Variants in SAMMSON observed in about 807,000 individuals in gnomAD.
SAMMSON encodes long intergenic non-protein coding RNA 1212.
intron 4 of SAMMSON, chr3:70,125,456 C>T: frequency 1.2e-6 from 1 of 825,188 alleles, no homozygotes; most frequent in Non-Finnish European, 2.0e-6. Flanking sequence ...TCTAGAAATA[C>T]ATTCCGATGG....
chr3:70,258,798 T>C (rs2106659375), intron 6 of SAMMSON, among the ~76,000 whole-genome samples: 1 of 152,234 alleles, frequency 6.6e-6, no homozygotes, highest in Middle Eastern at 3.4e-3. Context: ...ATTTAGCCAA[T>C]AAAATATAAC....
At chr3:70,065,061 AGAAGACTC>A (rs1489801220) in intron 3 of SAMMSON, among the ~76,000 whole-genome samples, 3 of 152,150 alleles carry the variant, frequency 2.0e-5, no homozygotes, top group Non-Finnish European at 4.4e-5. Flanking sequence ...AATTTAAAGA[AGAAGACTC>A]AAAGTTGGTG....
intron 4 of SAMMSON, chr3:70,071,683 A>G (rs913326000): frequency 2.6e-5 from 4 of 151,904 alleles, no homozygotes; most frequent in African/African-American, 9.7e-5. Flanking sequence ...ATCCATTGTT[A>G]TTTTGTCTTT....
chr3:70,414,271 AC>A (rs1701244836), intron 2 of SAMMSON, among the ~76,000 whole-genome samples: 1 of 152,096 alleles, frequency 6.6e-6, no homozygotes, highest in African/African-American at 2.4e-5. Context: ...TTGAGAAACA[AC>A]CTCTGGCCCA....
chr3:70,269,548 C>T (rs966508649), intron 6 of SAMMSON, among the ~76,000 whole-genome samples: 13 of 152,082 alleles, frequency 8.5e-5, no homozygotes, highest in Non-Finnish European at 5.9e-5. Flanking sequence ...TTTTTGACCA[C>T]GTAGCAGGGT....
chr3:70,264,007 A>C (rs1299253305), intron 6 of SAMMSON, among the ~76,000 whole-genome samples: 6 of 152,208 alleles, frequency 3.9e-5, no homozygotes, highest in Non-Finnish European at 8.8e-5. Flanking sequence ...CATGACTGGA[A>C]GCAGTTAACT....
At chr3:70,213,145 G>GT (rs546356352) in intron 4 of SAMMSON, among the ~76,000 whole-genome samples, 48 of 151,874 alleles carry the variant, frequency 3.2e-4, no homozygotes, top group African/African-American at 1.1e-3. Context: ...TCTTTATTTT[G>GT]TTTTTCTTTA....
intron 3 of SAMMSON, among the ~76,000 whole-genome samples, chr3:70,031,666 GC>G (rs897022543): frequency 4.1e-4 from 63 of 151,926 alleles, no homozygotes; most frequent in African/African-American, 1.5e-3. Flanking sequence ...TTAACAGATG[GC>G]AAACATTTTT....
intron 3 of SAMMSON, among the ~76,000 whole-genome samples, chr3:70,015,560 GTCTT>G (rs1344968303): frequency 6.6e-6 from 1 of 152,050 alleles, no homozygotes; most frequent in African/African-American, 2.4e-5. Context: ...TACTTGAGGT[GTCTT>G]TCTTTCTTTG....
intron 4 of SAMMSON, among the ~76,000 whole-genome samples, chr3:70,087,553 C>G (rs574250289): frequency 6.6e-6 from 1 of 152,220 alleles, no homozygotes; most frequent in South Asian, 2.1e-4. Context: ...CCTCTGAGAT[C>G]CAAGTGGTAT....
downstream of SAMMSON, among the ~76,000 whole-genome samples, chr3:70,390,470 G>A (rs1701035325): frequency 6.6e-6 from 1 of 152,114 alleles, no homozygotes; most frequent in African/African-American, 2.4e-5. Flanking sequence ...AGCAGCATCT[G>A]GTTTTGGGGA....
rs114201121 is a variant in SAMMSON at position 70,229,626 on chromosome 3, T to C, written n.508-19481T>C. Among the ~76,000 whole-genome samples, 1,068 of 152,310 alleles carry C rather than the reference T, an allele frequency of 7.0e-3. 9 individuals carry two copies. Among genetic ancestry groups the C allele is most frequent in the African/African-American group, 0.023 (963 of 41,554 alleles). ...ATATATCACATGATTCTTCACGTTT[T>C]ATTCTCTACTTATTGGCCAGCTGAA... On this transcript the variant is annotated intron_variant and non_coding_transcript_variant, in intron 4 of 9. Transcript: ENST00000642114.
intron 7 of SAMMSON, among the ~76,000 whole-genome samples, chr3:70,340,165 T>G (rs997676885): frequency 3.4e-5 from 5 of 149,162 alleles, no homozygotes; most frequent in Non-Finnish European, 5.9e-5. Flanking sequence ...CACTGCATAT[T>G]CTCACTCATA....
Position 70,003,939 on chromosome 3 carries a change from C to CATAAAAAA in SAMMSON, n.22+4075_22+4076insAAAAAATA, listed in dbSNP as rs2066915942. On this transcript the variant is annotated intron_variant and non_coding_transcript_variant, in intron 1 of 9. Transcript: ENST00000642114. The stretch of plus-strand genomic sequence containing the variant: ...AATGGTATTATACTGCTTTAATTTG[C>CATAAAAAA]ATATATTTTATATATTTACTATCTT... 5.3e-5 allele frequency among the ~76,000 whole-genome samples: 8 copies of CATAAAAAA among 152,044 alleles called. No individual in the cohort carries two copies. In the East Asian group the frequency reaches 1.5e-3, roughly 29 times the overall value.
chr3:70,430,312 G>A (rs1323377781), intron 2 of SAMMSON, among the ~76,000 whole-genome samples: 1 of 152,176 alleles, frequency 6.6e-6, no homozygotes, highest in Non-Finnish European at 1.5e-5. Flanking sequence ...TACCAGGGAT[G>A]AAGCTGGCTT....
At chr3:70,386,427 G>A (rs1347289195) in intron 9 of SAMMSON, among the ~76,000 whole-genome samples, 1 of 152,036 alleles carries the variant, frequency 6.6e-6, no homozygotes, top group East Asian at 1.9e-4. Context: ...TAGTTTTTAA[G>A]TATGTAAAAT....
At chr3:70,198,760 C>T (rs1701206061) in intron 4 of SAMMSON, among the ~76,000 whole-genome samples, 1 of 152,164 alleles carries the variant, frequency 6.6e-6, no homozygotes, top group Non-Finnish European at 1.5e-5. Context: ...AATACCTCTA[C>T]TGTGTACAAA....
chr3:70,384,524 C>T (rs1206762931), intron 9 of SAMMSON, among the ~76,000 whole-genome samples: 8 of 151,948 alleles, frequency 5.3e-5, no homozygotes, highest in Admixed American at 4.6e-4. Flanking sequence ...CTCCTCCGGA[C>T]ATAAAACTTC....
intron 4 of SAMMSON, among the ~76,000 whole-genome samples, chr3:70,188,970 C>G (rs546178510): frequency 1.1e-4 from 17 of 152,276 alleles, no homozygotes; most frequent in African/African-American, 3.4e-4. Flanking sequence ...CAGGAGTCTC[C>G]TAATGGTTCA....
Sources: allele counts gnomAD v4.1 joint callset (sites outside exome capture counted in the v4.1 genomes callset), GRCh38; gene constraint gnomAD v4.1.1; transcripts MANE v1.5; gene names NCBI Gene and HGNC (gene_info 2026-07-23, HGNC 2026-07-21).